Variants in CSMD1 observed in about 807,000 individuals in gnomAD.
CSMD1 encodes CUB and Sushi multiple domains 1, also known as CUB and sushi domain-containing protein 1.
Under a neutral mutation model 417.5 loss-of-function variants are expected in CSMD1, and 213 were observed. The ratio of observed to expected loss-of-function variants is 0.51; its 90% CI spans 0.46 to 0.57. The LOEUF (loss-of-function observed/expected upper bound fraction) is 0.57, where lower values mean the gene tolerates loss of function less well. Among genes scored for constraint, CSMD1 ranks in the 20% least tolerant of loss-of-function variants. The pLI, the probability that CSMD1 is intolerant of heterozygous loss-of-function variation, is 0.00. For missense variants in CSMD1, 6,923 were observed against 4,529.7 expected, an observed-to-expected ratio of 1.53 and a Z score of -15.17; for synonymous variants, 2,862 against 1,736.8, an observed-to-expected ratio of 1.65 and a Z score of -16.11.
chr8:4,303,440 T>C (rs1169226734), intron 3 of CSMD1, among the ~76,000 whole-genome samples: 2 of 40,148 alleles, frequency 5.0e-5, no homozygotes, highest in Non-Finnish European at 8.8e-5. Flanking sequence ...TTTTTTTTTT[T>C]TTTTTTTTTT....
At chr8:4,414,105 G>T (rs201823727) in intron 3 of CSMD1, among the ~76,000 whole-genome samples, 4,332 of 152,262 alleles carry the variant, frequency 0.028, 100 homozygotes, top group African/African-American at 0.067. Flanking sequence ...TGGAGTTTGG[G>T]TTATCACTTC....
chr8:4,967,200 T>C (rs1458509909), intron 1 of CSMD1, among the ~76,000 whole-genome samples: 2 of 152,176 alleles, frequency 1.3e-5, no homozygotes, highest in Non-Finnish European at 2.9e-5. Context: ...TCTCATTTGT[T>C]TGCAAAGAAG....
At chr8:3,325,857 C>G (rs1012971452) in intron 23 of CSMD1, among the ~76,000 whole-genome samples, 1 of 151,978 alleles carries the variant, frequency 6.6e-6, no homozygotes, top group Non-Finnish European at 1.5e-5. Flanking sequence ...AAACAAAAAC[C>G]CAAAAATGAA....
At chr8:3,640,261 C>A (rs1029994723) in intron 7 of CSMD1, among the ~76,000 whole-genome samples, 6 of 152,188 alleles carry the variant, frequency 3.9e-5, no homozygotes, top group Non-Finnish European at 7.3e-5. Context: ...CAAATAAATT[C>A]ACTGAGGTAA....
At chr8:4,466,618 C>G (rs1484020403) in intron 2 of CSMD1, among the ~76,000 whole-genome samples, 1 of 152,060 alleles carries the variant, frequency 6.6e-6, no homozygotes, top group Non-Finnish European at 1.5e-5. Flanking sequence ...TAAGCCAGTT[C>G]AATTTTTTGA....
At chr8:3,190,232 A>G in intron 33 of CSMD1, 117 bp from the exon 34 acceptor site, 1 of 582,328 alleles carries the variant, frequency 1.7e-6, no homozygotes, top group South Asian at 1.9e-5. Flanking sequence ...AGAATTTAAT[A>G]ACGACTCCAA....
intron 5 of CSMD1, among the ~76,000 whole-genome samples, chr8:3,881,148 GT>G (rs1563172816): frequency 6.6e-6 from 1 of 152,074 alleles, no homozygotes. Flanking sequence ...TATGTGCCAT[GT>G]TTGTACATTA....
chr8:4,230,233 G>A (rs1755227888), intron 3 of CSMD1, among the ~76,000 whole-genome samples: 1 of 152,080 alleles, frequency 6.6e-6, no homozygotes, highest in Non-Finnish European at 1.5e-5. Flanking sequence ...AAATGTTTGT[G>A]TTGCTCTACA....
intron 21 of CSMD1, among the ~76,000 whole-genome samples, chr8:3,351,156 C>T (rs184107759): frequency 1.4e-4 from 21 of 152,278 alleles, no homozygotes; most frequent in African/African-American, 5.1e-4. Flanking sequence ...AATAATAGCT[C>T]ATTTATTCAA....
intron 5 of CSMD1, among the ~76,000 whole-genome samples, chr8:3,928,086 T>A (rs905569855): frequency 3.9e-5 from 6 of 152,162 alleles, no homozygotes; most frequent in Admixed American, 1.3e-4. Context: ...AGGCCTGAGT[T>A]TATGAAAGTA....
At chr8:3,806,886 G>A (rs1461566248) in intron 5 of CSMD1, among the ~76,000 whole-genome samples, 2 of 152,184 alleles carry the variant, frequency 1.3e-5, no homozygotes, top group Admixed American at 1.3e-4. Flanking sequence ...AGTAGTTAGA[G>A]ACTTAATATA....
chr8:3,540,182 G>C (rs1274231829), intron 10 of CSMD1, among the ~76,000 whole-genome samples: 18 of 151,694 alleles, frequency 1.2e-4, no homozygotes, highest in Admixed American at 1.2e-3. Flanking sequence ...GTTTAGTCTT[G>C]AAAAAAAACC....
In CSMD1 at chr8:3,520,590, G is replaced by A. The variant is rs182591542; in HGVS notation, c.1345-26864C>T. Among the ~76,000 whole-genome samples, 184 of 152,210 alleles carry A rather than the reference G, an allele frequency of 1.2e-3. 1 individual carries two copies. Among genetic ancestry groups the A allele is most frequent in the African/African-American group, 4.2e-3 (173 of 41,534 alleles). The stretch of plus-strand genomic sequence containing the variant: ...GTACATTTAACCTTTAAAACTCACA[G>A]ACAACACCATTTACTGCTTGCTCAT... On this transcript the variant is annotated intron_variant, in intron 10 of 69. Transcript: ENST00000635120.
At position 3,246,727 on chromosome 8, in the gene CSMD1, C is replaced by A. The variant is rs899518768; in HGVS notation, c.4154-16496G>T. Among the ~76,000 whole-genome samples the A allele has an allele frequency of 2.6e-5, 4 of 152,212 alleles. No homozygotes were observed. The South Asian group carries it at 8.3e-4, about 32-fold the overall frequency. ...CCTCAGGTGATCTTGCCCGCCTTGG[C>A]ATCCCAAAGTGCTGCGATTACAGGT... On this transcript the variant is annotated intron_variant, in intron 26 of 69. Coordinates refer to ENST00000635120, the MANE Select transcript of CSMD1 (RefSeq NM_033225.6).
chr8:4,827,858 C>T (rs915168557), intron 1 of CSMD1, among the ~76,000 whole-genome samples: 2 of 152,086 alleles, frequency 1.3e-5, no homozygotes, highest in Non-Finnish European at 2.9e-5. Flanking sequence ...GTTTACTTGC[C>T]CTTTACCATT....
intron 3 of CSMD1, among the ~76,000 whole-genome samples, chr8:4,078,616 T>C (rs1289459148): frequency 6.6e-6 from 1 of 151,714 alleles, no homozygotes; most frequent in Non-Finnish European, 1.5e-5. Flanking sequence ...AATTTTTTTT[T>C]TTTTTAGTTT....
rs1035564946 is a variant in CSMD1, at chr8:4,437,173, A to T, written c.303-17108T>A. On this transcript the variant is annotated intron_variant, in intron 2 of 69. Coordinates refer to ENST00000635120, the MANE Select transcript of CSMD1 (RefSeq NM_033225.6). ...ATGGCAAATCCAATCCAACAAAACA[A>T]AGCAAAACTTTGTTGTCTCAACAAA... Among the ~76,000 whole-genome samples the T allele has an allele frequency of 3.9e-5, 6 of 152,194 alleles. No individual in the cohort carries two copies. In the East Asian group the frequency reaches 7.7e-4, roughly 20 times the overall value.
At chr8:3,318,909 C>A (rs1030469455) in intron 23 of CSMD1, among the ~76,000 whole-genome samples, 1 of 152,126 alleles carries the variant, frequency 6.6e-6, no homozygotes, top group Non-Finnish European at 1.5e-5. Context: ...TGCTTGATGG[C>A]AGGTGCTGCT....
chr8:3,053,292 C>A (rs1428228618), intron 49 of CSMD1, among the ~76,000 whole-genome samples: 1 of 152,164 alleles, frequency 6.6e-6, no homozygotes, highest in Non-Finnish European at 1.5e-5. Flanking sequence ...CAATGTCACA[C>A]ACTCAACTTC....
Sources: allele counts gnomAD v4.1 joint callset (sites outside exome capture counted in the v4.1 genomes callset), GRCh38; gene constraint gnomAD v4.1.1; transcripts MANE v1.5; gene names NCBI Gene and HGNC (gene_info 2026-07-23, HGNC 2026-07-21).